IGF1R: variants seen among roughly 807,000 people sequenced by gnomAD.
IGF1R encodes the protein insulin like growth factor 1 receptor, also known as insulin-like growth factor 1 receptor.
A neutral mutation model predicts 144.6 loss-of-function variants in IGF1R; 44 were observed. The observed-to-expected ratio is 0.30, with a 90% CI of 0.24 to 0.39. The LOEUF (loss-of-function observed/expected upper bound fraction) is 0.39. Ranked by LOEUF, IGF1R falls within the 10% of genes least tolerant of loss-of-function variation. The probability of loss-of-function intolerance (pLI) is 1.00; values close to 1 mark genes in which losing one functional copy is unlikely to be tolerated. For missense variants in IGF1R, 1,355 were observed against 1,833.7 expected (o/e 0.74, Z 4.77); for synonymous variants, 795 against 722.8 (o/e 1.10, Z -1.60).
At chr15:98,734,897 C>G (rs1377116753) in intron 2 of IGF1R, 1 of 152,178 alleles carries the variant, frequency 6.6e-6, no homozygotes, top group East Asian at 1.9e-4. Flanking sequence ...GTTCAGGTTT[C>G]TATGCAGCCT....
intron 2 of IGF1R, among the ~76,000 whole-genome samples, chr15:98,716,230 T>C (rs1403062538): frequency 6.6e-6 from 1 of 152,104 alleles, no homozygotes. Flanking sequence ...TAAAATTGAG[T>C]AAGTTACTGA....
intron 1 of IGF1R, among the ~76,000 whole-genome samples, chr15:98,668,314 A>T (rs1452244570): frequency 6.6e-6 from 1 of 152,294 alleles, no homozygotes; most frequent in East Asian, 1.9e-4. Flanking sequence ...GAGGGGACAC[A>T]GTCATGCAGT....
At chr15:98,810,554 C>CTTT (rs1289249437) in intron 2 of IGF1R, among the ~76,000 whole-genome samples, 4 of 138,720 alleles carry the variant, frequency 2.9e-5, no homozygotes, top group African/African-American at 5.3e-5. Context: ...CTTTTCTTTT[C>CTTT]TTTTTTTTTT....
At chr15:98,744,652 A>G (rs539056855) in intron 2 of IGF1R, among the ~76,000 whole-genome samples, 3 of 152,266 alleles carry the variant, frequency 2.0e-5, no homozygotes, top group Non-Finnish European at 2.9e-5. Flanking sequence ...AGCTCCAGTA[A>G]GGACCCAGAG....
intron 2 of IGF1R, among the ~76,000 whole-genome samples, chr15:98,779,806 A>G (rs898955773): frequency 2.0e-5 from 3 of 152,296 alleles, no homozygotes; most frequent in Admixed American, 2.0e-4. Flanking sequence ...AGAGCAGGCT[A>G]TCTGTGGAGA....
Position 98,885,618 on chromosome 15 carries a change from G to T in IGF1R, c.641-5707G>T, listed in dbSNP as rs577742563. On this transcript the variant is annotated intron_variant, in intron 2 of 20. Coordinates refer to ENST00000650285, the MANE Select transcript of IGF1R (RefSeq NM_000875.5). Reference sequence around the variant, plus strand: ...ATATGGAACAGTGGTGTGTACCTTAGGGCAACCCAGAAACAGCTGAGATGG... The same window carrying T: ...ATATGGAACAGTGGTGTGTACCTTATGGCAACCCAGAAACAGCTGAGATGG... Among the ~76,000 whole-genome samples the T allele has an allele frequency of 5.3e-5, 8 of 152,218 alleles. 2 individuals are homozygous for T. The South Asian group carries it at 1.7e-3, about 32-fold the overall frequency.
intron 1 of IGF1R, among the ~76,000 whole-genome samples, chr15:98,696,157 A>G (rs1450652768): frequency 1.3e-5 from 2 of 151,962 alleles, no homozygotes; most frequent in African/African-American, 2.4e-5. Context: ...CAAGTGTCCA[A>G]ATAGCATTTA....
At chr15:98,918,356 C>T (rs185099776) in intron 10 of IGF1R, among the ~76,000 whole-genome samples, 161 of 152,280 alleles carry the variant, frequency 1.1e-3, no homozygotes, top group Non-Finnish European at 1.8e-3. Context: ...TGACTCTGCT[C>T]TTACAGGCTT....
chr15:98,923,757 G>A (rs1442258817), intron 11 of IGF1R, 119 bp from the exon 12 acceptor site: 9 of 818,426 alleles, frequency 1.1e-5, no homozygotes, highest in Non-Finnish European at 1.5e-5. Context: ...CTCAGTGTAC[G>A]TGGCTGATCT....
intron 2 of IGF1R, among the ~76,000 whole-genome samples, chr15:98,888,436 A>AGTGT (rs1213205397): frequency 7.2e-4 from 12 of 16,730 alleles, no homozygotes; most frequent in Non-Finnish European, 9.3e-4. Context: ...AGAGAGAGAG[A>AGTGT]GAGTGTGTGT....
intron 14 of IGF1R, 84 bp from the exon 15 acceptor site, chr15:98,930,151 G>A: frequency 1.1e-6 from 1 of 930,172 alleles, no homozygotes; most frequent in Non-Finnish European, 1.8e-6. Flanking sequence ...GAGGATAAAT[G>A]AAACTGTTGT....
Position 98,916,002 on chromosome 15 carries a change from T to G in IGF1R, c.1867T>G (p.Ser623Ala), listed in dbSNP as rs1194483596. 1.2e-6 allele frequency: 2 copies of G among 1,614,174 alleles called. No individual in the cohort carries two copies. ...IPLDVLSASN[S>A]SSQLIVKWNP... Reference sequence around the variant, plus strand: ...CTTGGACGTTCTTTCAGCATCGAACTCCTCTTCTCAGTTAATCGTGAAGTG... The same window carrying G: ...CTTGGACGTTCTTTCAGCATCGAACGCCTCTTCTCAGTTAATCGTGAAGTG... The change falls in exon 9 of 21, where the codon TCC becomes GCC. Residue 623 changes from serine (S) to alanine (A), a missense_variant. Physicochemically the swap from Ser to Ala is moderately conservative, Grantham distance 99. This residue lies in a region of IGF1R where 880 missense variants were observed against 1,202.7 expected (regional missense o/e 0.73). Transcript: ENST00000650285.
intron 2 of IGF1R, among the ~76,000 whole-genome samples, chr15:98,787,963 T>A (rs2056037154): frequency 1.3e-5 from 2 of 151,934 alleles, no homozygotes; most frequent in African/African-American, 4.8e-5. Flanking sequence ...GTAGGGTTTT[T>A]AGTTTGTTCA....
chr15:98,931,226 G>A (rs1216401834), intron 15 of IGF1R, among the ~76,000 whole-genome samples: 2 of 152,106 alleles, frequency 1.3e-5, no homozygotes, highest in East Asian at 1.9e-4. Flanking sequence ...AGGAGGGGCT[G>A]GACCGGATTC....
chr15:98,859,977 G>A (rs1197103351), intron 2 of IGF1R, among the ~76,000 whole-genome samples: 2 of 152,118 alleles, frequency 1.3e-5, no homozygotes, highest in African/African-American at 4.8e-5. Flanking sequence ...GTGCAGTGAC[G>A]CGATCTCGGC....
chr15:98,781,650 T>G (rs757203147), intron 2 of IGF1R, among the ~76,000 whole-genome samples: 1 of 152,222 alleles, frequency 6.6e-6, no homozygotes, highest in Non-Finnish European at 1.5e-5. Flanking sequence ...TGGTAAATAG[T>G]ATAAACAAGA....
chr15:98,873,011 G>T (rs2012866608), intron 2 of IGF1R, among the ~76,000 whole-genome samples: 2 of 152,126 alleles, frequency 1.3e-5, no homozygotes, highest in African/African-American at 4.8e-5. Flanking sequence ...TTTTGACACT[G>T]TGTACAGAGG....
chr15:98,888,119 G>T (rs1188842030), intron 2 of IGF1R, among the ~76,000 whole-genome samples: 17 of 152,118 alleles, frequency 1.1e-4, no homozygotes, highest in Admixed American at 1.1e-3. Context: ...ACCGTCCTCG[G>T]CACCCAGAAG....
chr15:98,925,775 A>G (rs929131971), intron 13 of IGF1R, among the ~76,000 whole-genome samples: 1 of 152,182 alleles, frequency 6.6e-6, no homozygotes, highest in African/African-American at 2.4e-5. Context: ...GTGGTGGTAC[A>G]CGCCTGTAAT....
Sources: allele counts gnomAD v4.1 joint callset (sites outside exome capture counted in the v4.1 genomes callset), GRCh38; gene constraint gnomAD v4.1.1; regional missense constraint gnomAD v4.1.1; transcripts MANE v1.5; gene names NCBI Gene and HGNC (gene_info 2026-07-23, HGNC 2026-07-21).